TMC7: variants seen among roughly 807,000 people sequenced by gnomAD.
TMC7 encodes the protein transmembrane channel-like protein 7.
Under a neutral mutation model 82.9 loss-of-function variants are expected in TMC7, and 54 were observed. The observed-to-expected ratio is 0.65, with a 90% confidence interval of 0.52 to 0.82. The LOEUF (loss-of-function observed/expected upper bound fraction) is 0.82, where lower values mean the gene tolerates loss of function less well. Ranked by LOEUF, TMC7 falls within the 40% of genes least tolerant of loss-of-function variation. The pLI is 0.00. For synonymous variants in TMC7, 350 were observed against 337.9 expected, an observed-to-expected ratio of 1.04 and a Z score of -0.39; for missense variants, 820 against 901.2, an observed-to-expected ratio of 0.91 and a Z score of 1.15.
intron 13 of TMC7, among the ~76,000 whole-genome samples, chr16:19,052,051 C>T (rs1305204451): frequency 6.6e-6 from 1 of 152,086 alleles, no homozygotes; most frequent in Non-Finnish European, 1.5e-5. Context: ...TTCAAACAGC[C>T]TCCTGAGTAG....
intron 1 of TMC7, among the ~76,000 whole-genome samples, chr16:19,004,820 G>C (rs1445296584): frequency 1.3e-5 from 2 of 151,880 alleles, no homozygotes; most frequent in Admixed American, 6.6e-5. Flanking sequence ...AATTGTCTGA[G>C]CCTCAGTTAT....
At chr16:19,007,203 A>T (rs1385375709) in intron 1 of TMC7, among the ~76,000 whole-genome samples, 1 of 152,172 alleles carries the variant, frequency 6.6e-6, no homozygotes, top group East Asian at 1.9e-4. Flanking sequence ...TTGTAGGCTT[A>T]GGGGCTCTTC....
At chr16:19,058,929 G>C (rs1227881083) in intron 14 of TMC7, among the ~76,000 whole-genome samples, 2 of 152,108 alleles carry the variant, frequency 1.3e-5, no homozygotes, top group Non-Finnish European at 2.9e-5. Flanking sequence ...CCAGGCTGGA[G>C]TGCAGTGATG....
chr16:18,986,026 C>G (rs999533921), intron 1 of TMC7, among the ~76,000 whole-genome samples: 2 of 151,000 alleles, frequency 1.3e-5, no homozygotes, highest in African/African-American at 2.4e-5. Context: ...GAACTAGACC[C>G]TGTCTCTAAA....
At chr16:18,988,286 C>G (rs2038889326) in intron 1 of TMC7, among the ~76,000 whole-genome samples, 1 of 151,862 alleles carries the variant, frequency 6.6e-6, no homozygotes, top group Non-Finnish European at 1.5e-5. Context: ...TCCCAAGTAG[C>G]TGGGACTACA....
chr16:19,033,132 G>A (rs2142245481), intron 6 of TMC7, among the ~76,000 whole-genome samples: 1 of 152,262 alleles, frequency 6.6e-6, no homozygotes, highest in Non-Finnish European at 1.5e-5. Context: ...TCGCTGGAAT[G>A]CCAGTTCACC....
chr16:19,014,008 C>T lies in TMC7; in HGVS notation c.312-2442C>T, dbSNP rs139366670. The stretch of plus-strand genomic sequence containing the variant: ...AGCTGGGACTACAGGTGCCCGCCAC[C>T]GCACCCAGCTAATTTTTTTGTATTT... On this transcript the variant is annotated intron_variant, in intron 2 of 15. Coordinates refer to ENST00000304381, the MANE Select transcript of TMC7 (RefSeq NM_024847.4). Among the ~76,000 whole-genome samples, 1,031 of 152,014 alleles carry T rather than the reference C, an allele frequency of 6.8e-3. 12 individuals carry two copies. The highest frequency in any genetic ancestry group is 0.023 in the African/African-American group (967 of 41,480).
Position 18,989,945 on chromosome 16 carries a change from G to A in TMC7, c.67+5815G>A, listed in dbSNP as rs1596711653. On this transcript the variant is annotated intron_variant, in intron 1 of 15. Transcript: ENST00000304381. ...CAGGCTTTGTGTGAGCAACATGGCT[G>A]TTTATTTCACCTGGGTGCAGGCGGG... Among the ~76,000 whole-genome samples, 5 of 152,130 alleles carry A rather than the reference G, an allele frequency of 3.3e-5. No homozygotes were observed. The East Asian group carries it at 7.7e-4, about 23-fold the overall frequency.
chr16:19,060,959 G>T (rs1050447267), intron 15 of TMC7, among the ~76,000 whole-genome samples: 1 of 146,478 alleles, frequency 6.8e-6, no homozygotes, highest in African/African-American at 2.5e-5. Flanking sequence ...GCTAACTTTT[G>T]TATTTTTAGT....
At position 19,040,435 on chromosome 16, in the gene TMC7, G is replaced by A; in HGVS notation, c.1326G>A (p.Leu442=). The A allele has an allele frequency of 6.2e-7, 1 of 1,611,440 alleles. No homozygotes were observed. Among genetic ancestry groups the A allele is most frequent in the Non-Finnish European group, 8.5e-7 (1 of 1,179,834 alleles). The change falls in exon 9 of 16, where the codon CTG becomes CTA. Residue 442 remains leucine (L), a synonymous_variant. Coordinates refer to ENST00000304381, the MANE Select transcript of TMC7 (RefSeq NM_024847.4). ...EDYSPGFEIR[L]TILRCVFMRL... ...ATTCTCCAGGCTTTGAGATCCGTCT[G>A]ACAATCCTTAGGTAATGCCTAACAT...
rs541577777 is a variant in TMC7, at chr16:18,985,033, G to A, written c.67+903G>A. Among the ~76,000 whole-genome samples the A allele has an allele frequency of 1.4e-4, 21 of 152,244 alleles. No homozygotes were observed. The South Asian group carries it at 3.1e-3, about 23-fold the overall frequency. On this transcript the variant is annotated intron_variant, in intron 1 of 15. Coordinates refer to ENST00000304381, the MANE Select transcript of TMC7 (RefSeq NM_024847.4). Reference sequence around the variant, plus strand: ...TCCCAGCACTTTGGGAGGCTGAGGCGGGTGGATCACGAGGTCAGGAGTTCA... The same window carrying A: ...TCCCAGCACTTTGGGAGGCTGAGGCAGGTGGATCACGAGGTCAGGAGTTCA...
chr16:19,001,711 G>A, intron 1 of TMC7, among the ~76,000 whole-genome samples: 1 of 152,142 alleles, frequency 6.6e-6, no homozygotes, highest in Non-Finnish European at 1.5e-5. Context: ...GGATGGAGTA[G>A]TAACAGGGGT....
At chr16:18,985,798 G>A (rs2038836986) in intron 1 of TMC7, among the ~76,000 whole-genome samples, 1 of 147,514 alleles carries the variant, frequency 6.8e-6, no homozygotes, top group African/African-American at 2.5e-5. Flanking sequence ...ACAGTGACCT[G>A]TTGTATGGGC....
At chr16:19,038,133 A>G (rs1960844888) in intron 8 of TMC7, 86 bp downstream of exon 8, 1 of 1,324,880 alleles carries the variant, frequency 7.5e-7, no homozygotes, top group Non-Finnish European at 1.0e-6. Context: ...TCTGTTTTAC[A>G]TATGGAGATA....
intron 8 of TMC7, among the ~76,000 whole-genome samples, chr16:19,039,611 A>C (rs1193440329): frequency 1.3e-5 from 2 of 152,140 alleles, no homozygotes; most frequent in Non-Finnish European, 2.9e-5. Flanking sequence ...TTTATTGCGG[A>C]TGGCTATATA....
At position 19,000,498 on chromosome 16, in the gene TMC7, A is replaced by G. The variant is rs564507562; in HGVS notation, c.68-8674A>G. ...TCAAAAGCAAAAACAAAAAATAAAA[A>G]CAATTCAAGTGAAAAGAAGTCCATA... is the stretch of plus-strand genomic sequence containing the variant. On this transcript the variant is annotated intron_variant, in intron 1 of 15. Coordinates refer to ENST00000304381, the MANE Select transcript of TMC7 (RefSeq NM_024847.4). Among the ~76,000 whole-genome samples the G allele has an allele frequency of 2.2e-4, 34 of 152,252 alleles. 1 individual carries two copies. The South Asian group carries it at 6.4e-3, about 29-fold the overall frequency.
chr16:19,024,157 G>A (rs573159502), intron 5 of TMC7, among the ~76,000 whole-genome samples: 170 of 152,244 alleles, frequency 1.1e-3, no homozygotes, highest in African/African-American at 3.9e-3. Flanking sequence ...TTGGCCAGGC[G>A]CAGTGGCTCA....
At chr16:19,037,391 A>C (rs1266787053) in intron 7 of TMC7, among the ~76,000 whole-genome samples, 2 of 131,854 alleles carry the variant, frequency 1.5e-5, no homozygotes, top group African/African-American at 5.2e-5. Flanking sequence ...TGTCTCAAAA[A>C]AAAAAAAAAA....
chr16:19,049,734 C>A, intron 12 of TMC7: 1 of 892,162 alleles, frequency 1.1e-6, no homozygotes, highest in Non-Finnish European at 1.3e-6. Context: ...GTCCCGCCGG[C>A]TGCCCCGAGG....
Sources: gnomAD v4.1 joint callset for allele counts (sites outside exome capture counted in the v4.1 genomes callset) on GRCh38, gnomAD v4.1.1 for gene constraint, MANE v1.5 for transcripts, NCBI Gene and HGNC (gene_info 2026-07-23, HGNC 2026-07-21) for gene names.